Variants in ESRRB observed in about 807,000 individuals in gnomAD.
ESRRB encodes estrogen related receptor beta, also known as steroid hormone receptor ERR2.
Under a neutral mutation model 46.0 loss-of-function variants are expected in ESRRB, and 16 were observed. The observed-to-expected ratio is 0.35, with a 90% CI of 0.24 to 0.53. The LOEUF is 0.53. ESRRB is among the 20% of genes least tolerant of loss of function. The pLI, the probability that ESRRB is intolerant of heterozygous loss-of-function variation, is 0.93. For missense variants in ESRRB, 488 were observed against 607.4 expected (o/e 0.80, Z 2.07); for synonymous variants, 246 against 259.6 (o/e 0.95, Z 0.50).
rs569812397 is a variant in ESRRB, at chr14:76,482,374, C to A, written c.689-224C>A. Among the ~76,000 whole-genome samples, 3 of 152,192 alleles carry A rather than the reference C, an allele frequency of 2.0e-5. No individual in the cohort carries two copies. The highest frequency in any genetic ancestry group is 4.4e-5 in the Non-Finnish European group (3 of 68,036). ...CCCAAAGTTGCTCTGCAGGTTCCTC[C>A]TGGAGAATTCGTCAGGCAACTTCCC... On this transcript the variant is annotated intron_variant, in intron 4 of 6. Coordinates refer to ENST00000644823, the MANE Select transcript of ESRRB (RefSeq NM_001379180.1). The surrounding 1 kb of genome is among the most constrained non-coding windows in gnomAD (Gnocchi z 4.3).
In ESRRB at chr14:76,498,350, G is replaced by A. The variant is rs544297700; in HGVS notation, c.1257G>A (p.Leu419=). 1.1e-5 allele frequency: 18 copies of A among 1,611,996 alleles called. No homozygotes were observed. The highest frequency in any genetic ancestry group is 1.7e-5 in the Admixed American group (1 of 59,864). The change falls in exon 7 of 7, where the codon CTG becomes CTA. Residue 419 remains leucine, a synonymous_variant. Transcript: ENST00000644823. The part of the protein sequence containing the change: ...RTGKLLLTLP[L]LRQTAAKAVQ... ...GCAAGCTGCTGCTGACACTGCCGCT[G>A]CTGCGGCAGACGGCCGCCAAGGCCG...
intron 1 of ESRRB, among the ~76,000 whole-genome samples, chr14:76,320,600 A>G (rs573453543): frequency 7.2e-5 from 11 of 152,322 alleles, no homozygotes; most frequent in Admixed American, 6.5e-4. Flanking sequence ...CTTTGGATGT[A>G]CTAATGAGAG....
At chr14:76,498,069 TG>T in intron 6 of ESRRB, 144 bp from the exon 7 acceptor site, 1 of 949,314 alleles carries the variant, frequency 1.1e-6, no homozygotes, top group Non-Finnish European at 1.7e-6. Flanking sequence ...GTGACCTCTC[TG>T]GGCCTCAGAT....
chr14:76,430,591 G>A (rs912621267), intron 1 of ESRRB, among the ~76,000 whole-genome samples: 9 of 152,168 alleles, frequency 5.9e-5, no homozygotes, highest in South Asian at 2.1e-4. Context: ...TGTCACCTGC[G>A]CTGTTCTAAG....
chr14:76,456,538 A>C (rs2139975940), intron 2 of ESRRB, among the ~76,000 whole-genome samples: 1 of 152,290 alleles, frequency 6.6e-6, no homozygotes, highest in South Asian at 2.1e-4. Context: ...TAGGATGAAA[A>C]GGATCTTAGG....
intron 1 of ESRRB, among the ~76,000 whole-genome samples, chr14:76,381,837 A>G (rs1340379505): frequency 6.6e-6 from 1 of 152,160 alleles, no homozygotes; most frequent in Non-Finnish European, 1.5e-5. Flanking sequence ...GTTTCTGAGA[A>G]CAGAGACCTC....
intron 1 of ESRRB, among the ~76,000 whole-genome samples, chr14:76,416,409 C>A (rs1459682688): frequency 6.6e-6 from 1 of 152,054 alleles, no homozygotes; most frequent in Non-Finnish European, 1.5e-5. Context: ...CAGGCATGAA[C>A]CTGCGCCCCG....
chr14:76,450,062 A>C (rs1888323571), intron 2 of ESRRB, among the ~76,000 whole-genome samples: 1 of 152,116 alleles, frequency 6.6e-6, no homozygotes, highest in Non-Finnish European at 1.5e-5. Flanking sequence ...AAATATGATA[A>C]ATAATGAAGC....
intron 2 of ESRRB, among the ~76,000 whole-genome samples, chr14:76,455,668 T>C (rs1367586177): frequency 6.6e-6 from 1 of 152,146 alleles, no homozygotes; most frequent in African/African-American, 2.4e-5. Flanking sequence ...CAATACCTTG[T>C]ATATGTGGAA....
intron 1 of ESRRB, among the ~76,000 whole-genome samples, chr14:76,398,608 A>G (rs1885800584): frequency 6.6e-6 from 1 of 152,082 alleles, no homozygotes; most frequent in South Asian, 2.1e-4. Context: ...AAGGGGTCAG[A>G]GGAGAGGATT....
At chr14:76,463,445 G>GTTTTTTTTTTTTTTTTTTTTTTTTTTT (rs1313130923) in intron 3 of ESRRB, 1 of 114,738 alleles carries the variant, frequency 8.7e-6, no homozygotes, top group African/African-American at 3.7e-5. Flanking sequence ...ATGCTTCTTT[G>GTTTTTTTTTTTTTTTTTTTTTTTTTTT]TTTTTTTTTT....
intron 1 of ESRRB, among the ~76,000 whole-genome samples, chr14:76,338,260 G>GC (rs1366260595): frequency 1.3e-5 from 2 of 152,172 alleles, no homozygotes; most frequent in East Asian, 3.9e-4. Context: ...ATTCCATCAA[G>GC]CCCTGGCCCT....
intron 1 of ESRRB, among the ~76,000 whole-genome samples, chr14:76,400,217 C>T (rs1253709809): frequency 6.6e-6 from 1 of 152,174 alleles, no homozygotes; most frequent in African/African-American, 2.4e-5. Context: ...CGTGTACTGC[C>T]GTCCTTTGAC....
chr14:76,346,040 C>T (rs949184675), intron 1 of ESRRB, among the ~76,000 whole-genome samples: 5 of 152,070 alleles, frequency 3.3e-5, no homozygotes, highest in South Asian at 4.2e-4. Context: ...TCCTGGTATC[C>T]GGTGGTTGCC....
intron 1 of ESRRB, among the ~76,000 whole-genome samples, chr14:76,338,261 C>A (rs1186744221): frequency 6.6e-6 from 1 of 152,214 alleles, no homozygotes; most frequent in Non-Finnish European, 1.5e-5. Context: ...TTCCATCAAG[C>A]CCTGGCCCTG....
Position 76,358,524 on chromosome 14 carries a change from TA to T in ESRRB, c.2+47609del, listed in dbSNP as rs1421644398. 5.3e-5 allele frequency among the ~76,000 whole-genome samples: 8 copies of T among 151,562 alleles called. No individual in the cohort carries two copies. In the East Asian group the frequency reaches 5.8e-4, roughly 11 times the overall value. ...TTTTCTCATCGGCGTGCTGGGTACA[TA>T]GATATGTTCATTTAATGAAAATTCA... is the stretch of plus-strand genomic sequence containing the variant. On this transcript the variant is annotated intron_variant, in intron 1 of 6. Transcript: ENST00000512784.
intron 1 of ESRRB, among the ~76,000 whole-genome samples, chr14:76,419,261 TGC>T (rs2139883579): frequency 6.6e-6 from 1 of 152,142 alleles, no homozygotes; most frequent in East Asian, 1.9e-4. Flanking sequence ...GTGATCTTCC[TGC>T]CTCGGTCTCC....
chr14:76,403,012 A>G (rs1257486447), intron 1 of ESRRB, among the ~76,000 whole-genome samples: 1 of 152,058 alleles, frequency 6.6e-6, no homozygotes, highest in Non-Finnish European at 1.5e-5. Flanking sequence ...GCAGCTTTCA[A>G]ACTCCTGGGC....
rs199788820 is a variant in ESRRB, at chr14:76,385,228, AC to A, written c.50+8778del. On this transcript the variant is annotated intron_variant, in intron 1 of 6. Coordinates refer to ENST00000644823, the MANE Select transcript of ESRRB (RefSeq NM_001379180.1). ...TTTTCCTCAGGAAAAAAAAAAAAAA[AC>A]AACCAAACCTCAAAGCTTTGGATTA... 8.7e-3 allele frequency among the ~76,000 whole-genome samples: 1,314 copies of A among 150,472 alleles called. 18 individuals are homozygous for A. The highest frequency in any genetic ancestry group is 0.029 in the African/African-American group (1,196 of 40,984).
Sources: allele counts gnomAD v4.1 joint callset (sites outside exome capture counted in the v4.1 genomes callset), GRCh38; gene constraint gnomAD v4.1.1; non-coding constraint Gnocchi (gnomAD v3.1); transcripts MANE v1.5; gene names NCBI Gene and HGNC (gene_info 2026-07-23, HGNC 2026-07-21).